GATA4: variants seen among roughly 807,000 people sequenced by gnomAD.
GATA4 encodes the protein GATA binding protein 4, also known as transcription factor GATA-4.
In GATA4, 7 loss-of-function variants were observed where a neutral mutation model predicts 37.9. The ratio of observed to expected loss-of-function variants is 0.18; its 90% CI spans 0.11 to 0.35. The LOEUF (loss-of-function observed/expected upper bound fraction) is 0.35, where lower values mean the gene tolerates loss of function less well. Among genes scored for constraint, GATA4 ranks in the 10% least tolerant of loss-of-function variants. GATA4 has a pLI of 1.00. For missense variants in GATA4, 647 were observed against 653.0 expected (o/e 0.99, Z 0.10); for synonymous variants, 372 against 292.6 (o/e 1.27, Z -2.77).
chr8:11,752,711 A>C (rs1055736792), intron 4 of GATA4, among the ~76,000 whole-genome samples: 6 of 152,210 alleles, frequency 3.9e-5, no homozygotes, highest in African/African-American at 1.4e-4. Flanking sequence ...CATTTGCCTC[A>C]CTGGGATAGG....
chr8:11,759,510 C>G lies in GATA4; in HGVS notation c.*1035C>G, dbSNP rs949109930. ...AGCCAGAGTCCCTCAGGACCTGCAGCCTCGCCCCGGCAGAAGTCTTTTGTC... is the reference window on the plus strand; with the variant it reads ...AGCCAGAGTCCCTCAGGACCTGCAGGCTCGCCCCGGCAGAAGTCTTTTGTC... On this transcript the variant is annotated 3_prime_UTR_variant, in exon 7 of 7. Coordinates refer to ENST00000532059, the MANE Select transcript of GATA4 (RefSeq NM_001308093.3). 2 of 152,306 alleles carry G rather than the reference C, an allele frequency of 1.3e-5. No homozygotes were observed. 9.4% of individuals were successfully genotyped at this position (152,306 alleles called of 1,614,324 possible).
In GATA4 at chr8:11,758,457, G is replaced by T; in HGVS notation, c.1314G>T (p.Gly438=). The change falls in exon 7 of 7, where the codon GGG becomes GGT. Residue 438 remains glycine (G), a synonymous_variant. Coordinates refer to ENST00000532059, the MANE Select transcript of GATA4 (RefSeq NM_001308093.3). ...WNSLVLADSH[G]DIITA Reference sequence around the variant, plus strand: ...GCCTGGTCTTGGCCGACAGTCACGGGGACATAATCACTGCGTAATCTTCCC... The same window carrying T: ...GCCTGGTCTTGGCCGACAGTCACGGTGACATAATCACTGCGTAATCTTCCC... The T allele has an allele frequency of 6.2e-7, 1 of 1,614,172 alleles. No homozygotes were observed. The highest frequency in any genetic ancestry group is 8.5e-7 in the Non-Finnish European group (1 of 1,180,034).
At chr8:11,737,789 T>C (rs915776408) in intron 2 of GATA4, among the ~76,000 whole-genome samples, 4 of 152,196 alleles carry the variant, frequency 2.6e-5, no homozygotes, top group Non-Finnish European at 5.9e-5. Flanking sequence ...TGGAAAAATC[T>C]GAAAATGGAA....
At chr8:11,678,497 CTCT>C (rs1798852707) in intron 1 of GATA4, among the ~76,000 whole-genome samples, 1 of 152,184 alleles carries the variant, frequency 6.6e-6, no homozygotes, top group Middle Eastern at 3.2e-3. Context: ...GATATTCCTG[CTCT>C]TCTGTACGCT....
rs1378407281 is a variant in GATA4 at position 11,755,139 on chromosome 8, G to A, written c.1000+6G>A. On this transcript the variant is annotated splice_donor_region_variant and intron_variant, in intron 5 of 6. Transcript: ENST00000532059. ...TAAATCTAAGACACCAGCAGGTGAGGAAAAGATCTGTGAGTGATTATATGA... is the reference window on the plus strand; with the variant it reads ...TAAATCTAAGACACCAGCAGGTGAGAAAAAGATCTGTGAGTGATTATATGA... The A allele has an allele frequency of 3.7e-6, 6 of 1,606,422 alleles. No homozygotes were observed. In the South Asian group the frequency reaches 6.6e-5, roughly 18 times the overall value.
rs889063079 is a variant in GATA4 at position 11,748,901 on chromosome 8, T to C, written c.617-15T>C. ...AATCCTCTGTGTCTTTTCTTGTCTG[T>C]TCCCCCCAACTCAGTAGATATGTTT... On this transcript the variant is annotated splice_polypyrimidine_tract_variant and intron_variant, in intron 2 of 6. Coordinates refer to ENST00000532059, the MANE Select transcript of GATA4 (RefSeq NM_001308093.3). 1 of 1,614,120 alleles carries C rather than the reference T, an allele frequency of 6.2e-7. No homozygotes were observed. Among genetic ancestry groups the C allele is most frequent in the Non-Finnish European group, 8.5e-7 (1 of 1,179,922 alleles).
At chr8:11,748,612 C>T (rs945864893) in intron 2 of GATA4, among the ~76,000 whole-genome samples, 8 of 152,116 alleles carry the variant, frequency 5.3e-5, no homozygotes, top group African/African-American at 1.4e-4. Flanking sequence ...GGTGAGAGGC[C>T]TAGGGCTGGA....
chr8:11,755,252 C>T (rs939201839), intron 5 of GATA4, 119 bp downstream of exon 5: 21 of 761,600 alleles, frequency 2.8e-5, no homozygotes, highest in African/African-American at 2.4e-4. Context: ...GTGACAGCAT[C>T]GGACATCCCT....
At chr8:11,723,761 G>T (rs977525576) in intron 2 of GATA4, among the ~76,000 whole-genome samples, 2 of 151,958 alleles carry the variant, frequency 1.3e-5, no homozygotes, top group Non-Finnish European at 2.9e-5. Context: ...TCAAATTTAG[G>T]GCTAAAAGGC....
Position 11,749,277 on chromosome 8 carries a change from A to C in GATA4, c.786+192A>C, listed in dbSNP as rs1011340528. ...AGAATGATCCAGGCTGTCTAGTTCA[A>C]CCTCTTCGGCACACAGAAACTGAAA... On this transcript the variant is annotated intron_variant, in intron 3 of 6. Transcript: ENST00000532059. The surrounding 1 kb of genome is among the most constrained non-coding windows in gnomAD (Gnocchi z 4.6). Among the ~76,000 whole-genome samples, 4 of 152,144 alleles carry C rather than the reference A, an allele frequency of 2.6e-5. No homozygotes were observed. The highest frequency in any genetic ancestry group is 6.5e-5 in the Admixed American group (1 of 15,272).
upstream of GATA4, among the ~76,000 whole-genome samples, chr8:11,702,144 T>C (rs1799697629): frequency 6.6e-6 from 1 of 152,146 alleles, no homozygotes; most frequent in African/African-American, 2.4e-5. This position sits in a 1 kb window ranked among gnomAD's most constrained non-coding sequence, Gnocchi z 4.4. Context: ...CATCCCGCAC[T>C]ACTAGGAGAA....
Position 11,749,083 on chromosome 8 carries a change from C to A in GATA4, c.784C>A (p.Leu262Met). Residue 262 changes from leucine (L) to methionine (M), a missense_variant and splice_region_variant, in exon 3 of 7, where the codon CTG (leucine) becomes ATG (methionine). Physicochemically the swap from Leu to Met is conservative, Grantham distance 15 (BLOSUM62 2). This residue lies in a region of GATA4 where 56 missense variants were observed against 64.5 expected (regional missense o/e 0.87). Transcript: ENST00000532059. The surrounding 1 kb of genome is among the most constrained non-coding windows in gnomAD (Gnocchi z 4.6). ...GCCGCTCATCAAGCCTCAGCGCCGG[C>A]TGGTAAGCACGTGCCTCGCAGCCTC... Reference protein sequence around the residue: ...NRPLIKPQRRLSASRRVGLSC... With the variant: ...NRPLIKPQRRMSASRRVGLSC... 6.2e-7 allele frequency: 1 copy of A among 1,614,108 alleles called. No homozygotes were observed. The highest frequency in any genetic ancestry group is 8.5e-7 in the Non-Finnish European group (1 of 1,179,990).
At chr8:11,714,496 G>C (rs573071569) in intron 2 of GATA4, among the ~76,000 whole-genome samples, 35 of 152,324 alleles carry the variant, frequency 2.3e-4, no homozygotes, top group African/African-American at 8.4e-4. Context: ...AGAATGATTT[G>C]TCGATCTTCA....
chr8:11,758,205 T>G, intron 6 of GATA4, 88 bp from the exon 7 acceptor site: 1 of 1,343,754 alleles, frequency 7.4e-7, no homozygotes. Context: ...TGGGGACATC[T>G]GCATAGCAGG....
At chr8:11,692,785 G>A (rs1430570253) in intron 1 of GATA4, 1 of 982,758 alleles carries the variant, frequency 1.0e-6, no homozygotes, top group South Asian at 4.7e-5. Context: ...AGGCTGCCGA[G>A]GGGAGGAAGC....
rs147512972 is a variant in GATA4, at chr8:11,742,489, C to G, written c.617-6427C>G. Among the ~76,000 whole-genome samples the G allele has an allele frequency of 6.1e-4, 93 of 152,130 alleles. 1 individual carries two copies. In the East Asian group the frequency reaches 0.017, roughly 28 times the overall value. On this transcript the variant is annotated intron_variant, in intron 2 of 6. Coordinates refer to ENST00000532059, the MANE Select transcript of GATA4 (RefSeq NM_001308093.3). ...CTGAGTCACATTCTGTCACTCCAGC[C>G]AGCTGACGTCCTGGGTTCTTGTCCT...
At chr8:11,694,668 T>C (rs73203478) in intron 1 of GATA4, 15,700 of 253,206 alleles carry the variant, frequency 0.062, 674 homozygotes, top group South Asian at 0.12. Context: ...TTTCTTAGTG[T>C]TGGTGGTGTT....
chr8:11,731,751 A>G (rs911037454), intron 2 of GATA4, among the ~76,000 whole-genome samples: 3 of 152,266 alleles, frequency 2.0e-5, no homozygotes, highest in African/African-American at 7.2e-5. Context: ...TTTTATCACA[A>G]TTTAAAGAAG....
At chr8:11,688,658 G>T (rs1389568071), upstream of GATA4, among the ~76,000 whole-genome samples, 1 of 152,204 alleles carries the variant, frequency 6.6e-6, no homozygotes, top group African/African-American at 2.4e-5. Context: ...TGGAAAGATT[G>T]CCTGGTGTGA....
Sources: allele counts gnomAD v4.1 joint callset (sites outside exome capture counted in the v4.1 genomes callset), GRCh38; gene constraint gnomAD v4.1.1; regional missense constraint gnomAD v4.1.1; non-coding constraint Gnocchi (gnomAD v3.1); transcripts MANE v1.5; gene names NCBI Gene and HGNC (gene_info 2026-07-23, HGNC 2026-07-21).